The following SYT14 variants were observed in gnomAD, a reference collection of about 807,000 sequenced individuals.
SYT14 encodes synaptotagmin 14.
In SYT14, 32 loss-of-function variants were observed where a neutral mutation model predicts 74.2. That is an observed-to-expected ratio of 0.43 (90% CI 0.33 to 0.58). The LOEUF is 0.58. Among genes scored for constraint, SYT14 ranks in the 20% least tolerant of loss-of-function variants. SYT14 has a pLI of 0.05. For missense variants in SYT14, 791 were observed against 981.8 expected, an observed-to-expected ratio of 0.81 and a Z score of 2.60; for synonymous variants, 298 against 337.7, an observed-to-expected ratio of 0.88 and a Z score of 1.29.
intron 5 of SYT14, among the ~76,000 whole-genome samples, chr1:210,057,909 A>G (rs1439764758): frequency 6.6e-6 from 1 of 152,190 alleles, no homozygotes; most frequent in Non-Finnish European, 1.5e-5. Context: ...ATCTCTCAGA[A>G]TATACAGAAC....
intron 7 of SYT14, among the ~76,000 whole-genome samples, chr1:210,117,249 G>T (rs540830528): frequency 6.6e-6 from 1 of 151,938 alleles, no homozygotes; most frequent in Admixed American, 6.6e-5. Context: ...TGTTTATACT[G>T]TTATTTTTAT....
chr1:210,165,500 T>G (rs999891945), exon 10 of SYT14: 15 of 152,194 alleles, frequency 9.9e-5, no homozygotes, highest in African/African-American at 1.9e-4. Flanking sequence ...CCTTGACCAC[T>G]TTTAGGAATC....
intron 2 of SYT14, among the ~76,000 whole-genome samples, chr1:209,973,223 TA>T (rs746574094): frequency 6.6e-6 from 1 of 152,180 alleles, no homozygotes; most frequent in Non-Finnish European, 1.5e-5. Context: ...TTTTATTTTT[TA>T]TTATACTTTA....
intron 2 of SYT14, among the ~76,000 whole-genome samples, chr1:209,964,265 A>G (rs1204215485): frequency 3.3e-5 from 5 of 152,310 alleles, no homozygotes; most frequent in Middle Eastern, 3.4e-3. Flanking sequence ...CCCTTCTGCA[A>G]TGATTTTAAG....
chr1:210,084,893 A>G (rs1425646874), intron 5 of SYT14, among the ~76,000 whole-genome samples: 1 of 152,234 alleles, frequency 6.6e-6, no homozygotes, highest in Non-Finnish European at 1.5e-5. Context: ...TAGTGAAAGC[A>G]TTTGTCAAAC....
chr1:209,939,301 A>G (rs1426420970), intron 1 of SYT14, among the ~76,000 whole-genome samples: 2 of 152,240 alleles, frequency 1.3e-5, no homozygotes, highest in Non-Finnish European at 1.5e-5. Flanking sequence ...ACCTATAGCT[A>G]TATCATTATT....
chr1:209,969,803 T>C (rs1243404620), intron 2 of SYT14, among the ~76,000 whole-genome samples: 2 of 152,174 alleles, frequency 1.3e-5, no homozygotes, highest in Admixed American at 6.5e-5. Flanking sequence ...GATTTTCATT[T>C]CTCTGATGAT....
exon 7 of SYT14, chr1:210,100,429 C>T: frequency 6.2e-7 from 1 of 1,613,182 alleles, no homozygotes; most frequent in Non-Finnish European, 8.5e-7. Context: ...AATGTCATTG[C>T]CTGTGATATT....
intron 2 of SYT14, among the ~76,000 whole-genome samples, chr1:209,989,389 T>C (rs1381838103): frequency 6.6e-6 from 1 of 152,162 alleles, no homozygotes; most frequent in East Asian, 1.9e-4. Flanking sequence ...GAATTGGAAA[T>C]TGGACAATGT....
intron 1 of SYT14, among the ~76,000 whole-genome samples, chr1:209,944,821 A>G (rs2078796482): frequency 6.6e-6 from 1 of 152,158 alleles, no homozygotes; most frequent in African/African-American, 2.4e-5. Flanking sequence ...AGAAAGTTAA[A>G]CATTTATTTT....
rs188047365 is a variant in SYT14 at position 209,959,061 on chromosome 1, A to G, written c.-486+6305A>G. 1.1e-3 allele frequency among the ~76,000 whole-genome samples: 161 copies of G among 152,348 alleles called. 1 individual carries two copies. Among genetic ancestry groups the G allele is most frequent in the African/African-American group, 3.6e-3 (150 of 41,588 alleles). On this transcript the variant is annotated intron_variant, in intron 2 of 9. Coordinates refer to ENST00000637265, the Ensembl canonical transcript of SYT14. ...CCCAGCAATTAATACTGCTAGGCCT[A>G]TACCCAAGAAAATTGAAAACATATG...
At chr1:210,081,927 G>A (rs2081624480) in intron 5 of SYT14, among the ~76,000 whole-genome samples, 3 of 152,146 alleles carry the variant, frequency 2.0e-5, no homozygotes, top group Admixed American at 2.0e-4. Context: ...ATTAAGCATA[G>A]GAATTAGATT....
At chr1:210,164,395 C>T (rs2083433644) in exon 10 of SYT14, 1 of 173,978 alleles carries the variant, frequency 5.7e-6, no homozygotes, top group Non-Finnish European at 1.2e-5. Context: ...ATGCCCAGGG[C>T]TGTTTGTTAA....
At chr1:210,106,243 G>A (rs1320855229) in intron 7 of SYT14, among the ~76,000 whole-genome samples, 2 of 152,182 alleles carry the variant, frequency 1.3e-5, no homozygotes, top group African/African-American at 4.8e-5. Context: ...ATTGGGCAGA[G>A]AGAAGTCAAG....
At chr1:210,018,051 G>A (rs1385791591) in intron 4 of SYT14, among the ~76,000 whole-genome samples, 2 of 152,214 alleles carry the variant, frequency 1.3e-5, no homozygotes, top group African/African-American at 4.8e-5. Flanking sequence ...ATATAGGAGA[G>A]GCTAATCCAG....
At chr1:210,164,301 C>G (rs1269196729) in exon 10 of SYT14, 1 of 243,140 alleles carries the variant, frequency 4.1e-6, no homozygotes, top group East Asian at 9.9e-5. Flanking sequence ...AAAAAGAAAA[C>G]CCAATGAGAA....
chr1:209,957,021 A>G (rs1558091805), intron 2 of SYT14, among the ~76,000 whole-genome samples: 1 of 151,566 alleles, frequency 6.6e-6, no homozygotes, highest in African/African-American at 2.4e-5. Context: ...TGCAGAAGCT[A>G]TGTACAAAGA....
exon 4 of SYT14, chr1:210,015,768 A>G (rs2080170749): frequency 3.0e-6 from 2 of 674,246 alleles, no homozygotes; most frequent in East Asian, 9.3e-5. Context: ...AAAAAATGTC[A>G]TAACGTTTAA....
intron 5 of SYT14, among the ~76,000 whole-genome samples, chr1:210,046,815 A>G (rs1457156568): frequency 6.6e-6 from 1 of 152,194 alleles, no homozygotes; most frequent in Non-Finnish European, 1.5e-5. Flanking sequence ...TAATGCTGCT[A>G]TGAACATTCA....
Sources: allele counts gnomAD v4.1 joint callset (sites outside exome capture counted in the v4.1 genomes callset), GRCh38; gene constraint gnomAD v4.1.1; transcripts MANE v1.5; gene names NCBI Gene and HGNC (gene_info 2026-07-23, HGNC 2026-07-21).